The following FAM107B variants were observed in gnomAD, a reference collection of about 807,000 sequenced individuals.
FAM107B encodes family with sequence similarity 107 member B, also known as protein FAM107B.
In FAM107B, 21 loss-of-function variants were observed where a neutral mutation model predicts 31.5. The ratio of observed to expected loss-of-function variants is 0.67; its 90% CI spans 0.47 to 0.96. The LOEUF (loss-of-function observed/expected upper bound fraction) is 0.96. Among genes scored for constraint, FAM107B ranks in the 40% least tolerant of loss-of-function variants. FAM107B has a pLI of 0.00. For synonymous variants in FAM107B, 157 were observed against 141.5 expected (o/e 1.11, Z -0.78); for missense variants, 452 against 377.1 (o/e 1.20, Z -1.64).
intron 2 of FAM107B, chr10:14,534,752 T>C (rs1161205340): frequency 2.6e-5 from 4 of 152,232 alleles, no homozygotes; most frequent in Non-Finnish European, 5.9e-5. Flanking sequence ...TGTTCTTTTT[T>C]CCTAGTAATT....
At chr10:14,768,091 C>T (rs1346581169) in intron 1 of FAM107B, among the ~76,000 whole-genome samples, 1 of 151,958 alleles carries the variant, frequency 6.6e-6, no homozygotes, top group Admixed American at 6.6e-5. Context: ...ATTAGCTTAA[C>T]CTAGGAGGCA....
chr10:14,749,403 C>G (rs1298711010), intron 1 of FAM107B, among the ~76,000 whole-genome samples: 1 of 152,152 alleles, frequency 6.6e-6, no homozygotes, highest in Non-Finnish European at 1.5e-5. Flanking sequence ...CCCCTTCCCC[C>G]TCTCAATCAA....
At chr10:14,621,267 G>A (rs1001586802) in intron 2 of FAM107B, among the ~76,000 whole-genome samples, 1 of 152,112 alleles carries the variant, frequency 6.6e-6, no homozygotes, top group Non-Finnish European at 1.5e-5. Context: ...TGTTTTGAAA[G>A]CAACATTAAA....
At chr10:14,599,348 G>A (rs1852290001) in intron 2 of FAM107B, among the ~76,000 whole-genome samples, 1 of 152,158 alleles carries the variant, frequency 6.6e-6, no homozygotes, top group Non-Finnish European at 1.5e-5. Context: ...CTCTAAGGGG[G>A]TGCTGTTCTT....
chr10:14,764,547 C>T (rs1389608744), intron 1 of FAM107B, among the ~76,000 whole-genome samples: 2 of 152,154 alleles, frequency 1.3e-5, no homozygotes, highest in African/African-American at 4.8e-5. Flanking sequence ...TTCCCTGGTG[C>T]AGAATTACAA....
chr10:14,633,407 T>A (rs1381058818), intron 2 of FAM107B, among the ~76,000 whole-genome samples: 1 of 152,228 alleles, frequency 6.6e-6, no homozygotes, highest in Admixed American at 6.5e-5. Flanking sequence ...ATGTTAAAAC[T>A]ATTCTGGGAA....
At chr10:14,550,635 G>T (rs1849168458) in intron 2 of FAM107B, among the ~76,000 whole-genome samples, 1 of 152,152 alleles carries the variant, frequency 6.6e-6, no homozygotes, top group South Asian at 2.1e-4. Flanking sequence ...GGAGAAATCG[G>T]CTTCTTTCCC....
At chr10:14,600,981 G>A (rs1852377337) in intron 2 of FAM107B, among the ~76,000 whole-genome samples, 1 of 151,700 alleles carries the variant, frequency 6.6e-6, no homozygotes, top group African/African-American at 2.4e-5. Context: ...TGCCCAGGCT[G>A]GTCTCACACT....
rs1845453528 is a variant in FAM107B, at chr10:14,519,761, C to G, written c.*1429G>C. ...GCTCTAGATCCAGCTTTCTATGAGTCTTCAAAGAAAGTATGAGAAGTCTCT... is the reference window on the plus strand; with the variant it reads ...GCTCTAGATCCAGCTTTCTATGAGTGTTCAAAGAAAGTATGAGAAGTCTCT... On this transcript the variant is annotated 3_prime_UTR_variant, in exon 5 of 5. Coordinates refer to ENST00000181796, the MANE Select transcript of FAM107B (RefSeq NM_031453.4). The G allele has an allele frequency of 6.6e-6, 1 of 152,210 alleles. No homozygotes were observed. Among genetic ancestry groups the G allele is most frequent in the Admixed American group, 6.5e-5 (1 of 15,278 alleles). 9.4% of individuals were successfully genotyped at this position (152,210 alleles called of 1,614,324 possible).
Position 14,527,279 on chromosome 10 carries a change from C to T in FAM107B, c.653+3053G>A, listed in dbSNP as rs557040048. Among the ~76,000 whole-genome samples, 3 of 151,840 alleles carry T rather than the reference C, an allele frequency of 2.0e-5. No individual in the cohort carries two copies. In the South Asian group the frequency reaches 6.2e-4, roughly 32 times the overall value. On this transcript the variant is annotated intron_variant, in intron 3 of 4. Transcript: ENST00000181796. ...CTGACACAAGGTTTTAACCGTCAGA[C>T]CTAGAGGCTTCAAAGACTTTTAACC...
In FAM107B at chr10:14,523,275, A is replaced by G. The variant is rs919749174; in HGVS notation, c.654-1256T>C. Reference sequence around the variant, plus strand: ...TATCTTAGCCAGTCTCTGCCAACTCATAAGTAATCTCAACTTGATGTTAAA... The same window carrying G: ...TATCTTAGCCAGTCTCTGCCAACTCGTAAGTAATCTCAACTTGATGTTAAA... On this transcript the variant is annotated intron_variant, in intron 3 of 4. Transcript: ENST00000181796. Among the ~76,000 whole-genome samples the G allele has an allele frequency of 2.0e-5, 3 of 152,214 alleles. No individual in the cohort carries two copies. The East Asian group carries it at 5.8e-4, about 29-fold the overall frequency.
At chr10:14,762,105 G>A (rs1302758928) in intron 1 of FAM107B, among the ~76,000 whole-genome samples, 1 of 152,118 alleles carries the variant, frequency 6.6e-6, no homozygotes, top group Non-Finnish European at 1.5e-5. Context: ...CATCATGGAA[G>A]ACCCAGGTTC....
chr10:14,685,465 A>G (rs1854961624), intron 1 of FAM107B, among the ~76,000 whole-genome samples: 2 of 152,032 alleles, frequency 1.3e-5, no homozygotes, highest in African/African-American at 4.8e-5. Flanking sequence ...ATAACTTTTT[A>G]TGGTGGACAG....
intron 1 of FAM107B, among the ~76,000 whole-genome samples, chr10:14,683,594 G>A (rs1259940283): frequency 6.6e-6 from 1 of 152,132 alleles, no homozygotes; most frequent in Non-Finnish European, 1.5e-5. Flanking sequence ...TCAAACTACT[G>A]GAAGATAGAG....
At chr10:14,649,585 T>A (rs1168971549) in intron 2 of FAM107B, among the ~76,000 whole-genome samples, 2 of 152,208 alleles carry the variant, frequency 1.3e-5, no homozygotes, top group Non-Finnish European at 2.9e-5. Context: ...CTTAACACTT[T>A]CAAGCACTTG....
chr10:14,533,551 CCTGA>C (rs1243168909), intron 2 of FAM107B, among the ~76,000 whole-genome samples: 1 of 152,214 alleles, frequency 6.6e-6, no homozygotes, highest in African/African-American at 2.4e-5. Context: ...CTCTCGTTTA[CCTGA>C]CTGACTGGCC....
chr10:14,693,954 A>G (rs897443886), intron 1 of FAM107B, among the ~76,000 whole-genome samples: 3 of 152,210 alleles, frequency 2.0e-5, no homozygotes, highest in African/African-American at 7.2e-5. Flanking sequence ...TTCCACATGA[A>G]AATTTGATCA....
chr10:14,521,835 CAAA>C, intron 4 of FAM107B, 31 bp downstream of exon 4: 1 of 1,601,580 alleles, frequency 6.2e-7, no homozygotes, highest in Non-Finnish European at 8.5e-7. Context: ...AAGACAAAAA[CAAA>C]AAAAGACAGC....
At chr10:14,766,840 T>C (rs1023927357) in intron 1 of FAM107B, among the ~76,000 whole-genome samples, 1 of 150,346 alleles carries the variant, frequency 6.7e-6, no homozygotes, top group African/African-American at 2.4e-5. Context: ...ACAGAAAGAC[T>C]TGGATCATGT....
Sources: allele counts gnomAD v4.1 joint callset (sites outside exome capture counted in the v4.1 genomes callset), GRCh38; gene constraint gnomAD v4.1.1; transcripts MANE v1.5; gene names NCBI Gene and HGNC (gene_info 2026-07-23, HGNC 2026-07-21).